The following ZFHX4 variants were observed in gnomAD, a reference collection of about 807,000 sequenced individuals.
ZFHX4 encodes the protein zinc finger homeobox protein 4.
ZFHX4 carries 56 observed loss-of-function variants against 267.6 expected under a neutral mutation model. The observed-to-expected ratio is 0.21, with a 90% CI of 0.17 to 0.26. The LOEUF is 0.26. Ranked by LOEUF, ZFHX4 falls within the 10% of genes least tolerant of loss-of-function variation. ZFHX4 has a pLI of 1.00. For synonymous variants in ZFHX4, 1,778 were observed against 1,665.6 expected (o/e 1.07, Z -1.64); for missense variants, 4,332 against 4,420.0 (o/e 0.98, Z 0.56).
At position 76,851,079 on chromosome 8, in the gene ZFHX4, G is replaced by T. The variant is rs368340357; in HGVS notation, c.4158G>T (p.Pro1386=). ...TAAATGAACAGCAAAAAAGGCAACC[G>T]CTCTCTGTTTCTGACCGTCATGTCT... The part of the protein sequence containing the change: ...DQLNEQQKRQ[P]LSVSDRHVYK... The change falls in exon 10 of 11, where the codon CCG becomes CCT. Residue 1386 remains proline, a synonymous_variant. Coordinates refer to ENST00000651372, the MANE Select transcript of ZFHX4 (RefSeq NM_024721.5). The T allele has an allele frequency of 1.9e-6, 3 of 1,613,818 alleles. No individual in the cohort carries two copies. Among genetic ancestry groups the T allele is most frequent in the Non-Finnish European group, 2.5e-6 (3 of 1,179,878 alleles).
Position 76,778,423 on chromosome 8 carries a change from C to T in ZFHX4, c.3309C>T (p.Cys1103=). The T allele has an allele frequency of 6.2e-7, 1 of 1,613,492 alleles. No homozygotes were observed. Among genetic ancestry groups the T allele is most frequent in the Non-Finnish European group, 8.5e-7 (1 of 1,179,740 alleles). The change falls in exon 4 of 11, where the codon TGC becomes TGT. Residue 1103 remains cysteine (C), a synonymous_variant. Coordinates refer to ENST00000651372, the MANE Select transcript of ZFHX4 (RefSeq NM_024721.5). ...NLSEIFFVKD[C]PPNELETASL... is the part of the protein sequence containing the mutation. ...GTGAGATCTTTTTTGTTAAAGATTG[C>T]CCACCAAATGAGCTTGGTGAGTAAC...
intron 4 of ZFHX4, among the ~76,000 whole-genome samples, chr8:76,819,702 T>C (rs1166020263): frequency 2.0e-5 from 3 of 152,220 alleles, no homozygotes; most frequent in Non-Finnish European, 4.4e-5. Flanking sequence ...TTCACGGGTA[T>C]CACAGGAAAG....
intron 4 of ZFHX4, among the ~76,000 whole-genome samples, chr8:76,813,937 T>A (rs1811438848): frequency 6.7e-6 from 1 of 149,706 alleles, no homozygotes; most frequent in Non-Finnish European, 1.5e-5. Flanking sequence ...AAATGCAATC[T>A]TTTTTTTTCT....
At chr8:76,824,234 G>A (rs1217904937) in intron 4 of ZFHX4, among the ~76,000 whole-genome samples, 3 of 152,112 alleles carry the variant, frequency 2.0e-5, no homozygotes, top group African/African-American at 7.2e-5. Flanking sequence ...TTGTTTTCAA[G>A]AAAAATAAAT....
intron 10 of ZFHX4, 107 bp from the exon 11 acceptor site, chr8:76,862,987 T>G: frequency 7.1e-7 from 1 of 1,404,278 alleles, no homozygotes; most frequent in Non-Finnish European, 9.2e-7. Flanking sequence ...ATACATCTTT[T>G]CTGATATAGC....
intron 1 of ZFHX4, among the ~76,000 whole-genome samples, chr8:76,691,417 G>A (rs533117334): frequency 6.6e-6 from 1 of 152,060 alleles, no homozygotes; most frequent in East Asian, 1.9e-4. Context: ...TCAATTCCGT[G>A]TAAGGAAAGG....
intron 1 of ZFHX4, among the ~76,000 whole-genome samples, chr8:76,700,105 A>G (rs1440158148): frequency 6.6e-6 from 1 of 152,074 alleles, no homozygotes; most frequent in East Asian, 1.9e-4. Context: ...ACTTGATATA[A>G]TTCAAGGATT....
chr8:76,701,926 C>T (rs1002705402), intron 1 of ZFHX4, among the ~76,000 whole-genome samples: 3 of 152,110 alleles, frequency 2.0e-5, no homozygotes, highest in African/African-American at 7.2e-5. Flanking sequence ...TATTCACCAC[C>T]TTGCATTCAT....
chr8:76,794,054 A>T (rs1810908390), intron 4 of ZFHX4, among the ~76,000 whole-genome samples: 1 of 152,176 alleles, frequency 6.6e-6, no homozygotes, highest in Non-Finnish European at 1.5e-5. Context: ...TTTTATCTTA[A>T]CAGAACTTTT....
At chr8:76,748,942 CTTAT>C (rs1447175875) in intron 3 of ZFHX4, among the ~76,000 whole-genome samples, 1 of 152,126 alleles carries the variant, frequency 6.6e-6, no homozygotes, top group Non-Finnish European at 1.5e-5. Flanking sequence ...AGAATTATAA[CTTAT>C]TTATTTATAA....
In ZFHX4 at chr8:76,855,346, G is replaced by T; in HGVS notation, c.8425G>T (p.Ala2809Ser). Residue 2809 changes from alanine (A) to serine (S), a missense_variant, in exon 10 of 11, where the codon GCA becomes TCA. By Grantham distance (99) the Ala-to-Ser change is moderately conservative (BLOSUM62 1). Transcript: ENST00000651372. Reference sequence around the variant, plus strand: ...TGATGAGACTTCATCGATTAATACGGCAATCAGTGACGCCACCACCGGAGA... The same window carrying T: ...TGATGAGACTTCATCGATTAATACGTCAATCAGTGACGCCACCACCGGAGA... ...DFDETSSINT[A>S]ISDATTGDEG... 1 of 1,613,396 alleles carries T rather than the reference G, an allele frequency of 6.2e-7. No homozygotes were observed. The highest frequency in any genetic ancestry group is 8.5e-7 in the Non-Finnish European group (1 of 1,179,782).
chr8:76,701,779 T>C (rs1350589519), intron 1 of ZFHX4, among the ~76,000 whole-genome samples: 1 of 152,142 alleles, frequency 6.6e-6, no homozygotes, highest in Non-Finnish European at 1.5e-5. Context: ...GGAGCTTTCC[T>C]CACTCTTTCT....
intron 4 of ZFHX4, among the ~76,000 whole-genome samples, chr8:76,800,151 G>C (rs181399293): frequency 2.0e-5 from 3 of 151,978 alleles, no homozygotes; most frequent in Non-Finnish European, 1.5e-5. Context: ...TGAAGGAGTC[G>C]CACAATTAGG....
chr8:76,864,730 G>T lies in ZFHX4; in HGVS notation c.*165G>T. On this transcript the variant is annotated 3_prime_UTR_variant, in exon 11 of 11. Transcript: ENST00000651372. The stretch of plus-strand genomic sequence containing the variant: ...ATTGATATGCTGGCAATATAGGATG[G>T]TATGTAATGGACAGAACTGATGCAG... The T allele has an allele frequency of 3.8e-6, 2 of 531,222 alleles. No individual in the cohort carries two copies. Among genetic ancestry groups the T allele is most frequent in the Non-Finnish European group, 6.6e-6 (2 of 303,500 alleles). 32.9% of individuals were successfully genotyped at this position (531,222 alleles called of 1,614,324 possible).
At chr8:76,713,464 A>C (rs1308370976) in intron 3 of ZFHX4, among the ~76,000 whole-genome samples, 1 of 152,190 alleles carries the variant, frequency 6.6e-6, no homozygotes. Context: ...AAGAAAGCAA[A>C]GTGTGTTATT....
intron 3 of ZFHX4, among the ~76,000 whole-genome samples, chr8:76,761,775 G>T (rs866649482): frequency 2.0e-5 from 3 of 152,144 alleles, no homozygotes; most frequent in Non-Finnish European, 4.4e-5. Flanking sequence ...AATAAATGAG[G>T]TTTAGAAGCA....
In ZFHX4 at chr8:76,855,527, C is replaced by G. The variant is rs1812693431; in HGVS notation, c.8606C>G (p.Thr2869Arg). The G allele has an allele frequency of 3.7e-6, 6 of 1,613,796 alleles. No individual in the cohort carries two copies. The highest frequency in any genetic ancestry group is 5.1e-6 in the Non-Finnish European group (6 of 1,179,892). The change falls in exon 10 of 11, where the codon ACA (threonine) becomes AGA (arginine). Residue 2869 changes from threonine (T) to arginine (R), a missense_variant. Transcript: ENST00000651372. The stretch of plus-strand genomic sequence containing the variant: ...GATGACAAATTTCTCTTTTCTCTCA[C>G]AAGCCCATCCATCCATTTCAATGAC... ...VCDDKFLFSLTSPSIHFNDKD... is the reference protein window; with the variant it reads ...VCDDKFLFSLRSPSIHFNDKD...
chr8:76,696,796 A>T (rs570871058), intron 1 of ZFHX4, among the ~76,000 whole-genome samples: 1 of 152,024 alleles, frequency 6.6e-6, no homozygotes, highest in Non-Finnish European at 1.5e-5. Context: ...GCTAGTCCTA[A>T]TGTGGTTTTT....
In ZFHX4 at chr8:76,856,149, G is replaced by C; in HGVS notation, c.9228G>C (p.Leu3076Phe). The C allele has an allele frequency of 6.2e-7, 1 of 1,613,986 alleles. No homozygotes were observed. The highest frequency in any genetic ancestry group is 8.5e-7 in the Non-Finnish European group (1 of 1,179,858). ...AGAAAGCTTCAGACGTGCTGGGCTTGACGGTACAGCAGCCAGGCATGATGG... is the reference window on the plus strand; with the variant it reads ...AGAAAGCTTCAGACGTGCTGGGCTTCACGGTACAGCAGCCAGGCATGATGG... ...RIKKASDVLG[L>F]TVQQPGMMDS... Residue 3076 changes from leucine to phenylalanine, a missense_variant, in exon 10 of 11, where the codon TTG becomes TTC. Coordinates refer to ENST00000651372, the MANE Select transcript of ZFHX4 (RefSeq NM_024721.5).
Sources: gnomAD v4.1 joint callset for allele counts (sites outside exome capture counted in the v4.1 genomes callset) on GRCh38, gnomAD v4.1.1 for gene constraint, MANE v1.5 for transcripts, NCBI Gene and HGNC (gene_info 2026-07-23, HGNC 2026-07-21) for gene names.